Variants in TRRAP observed in about 807,000 individuals in gnomAD.
TRRAP encodes the protein transformation/transcription domain associated protein, also known as transformation/transcription domain-associated protein.
A neutral mutation model predicts 438.8 loss-of-function variants in TRRAP; 41 were observed. The observed-to-expected ratio is 0.09, with a 90% confidence interval of 0.07 to 0.12. TRRAP has a LOEUF of 0.12. TRRAP is among the 10% of genes least tolerant of loss of function. The probability of loss-of-function intolerance (pLI) is 1.00; values close to 1 mark genes in which losing one functional copy is unlikely to be tolerated. For synonymous variants in TRRAP, 1,994 were observed against 1,962.9 expected (o/e 1.02, Z -0.42); for missense variants, 3,122 against 5,055.1 (o/e 0.62, Z 11.60).
chr7:98,925,234 C>T lies in TRRAP; in HGVS notation c.2946C>T (p.His982=), dbSNP rs782750766. Residue 982 remains histidine, a synonymous_variant, in exon 22 of 73, where the codon CAC becomes CAT. Coordinates refer to ENST00000456197, the MANE Select transcript of TRRAP (RefSeq NM_001375524.1). ...TGATGAGCCTGGAGGACAACAAGCA[C>T]GCACTCTACCAGCTCCTGGCACACC... ...VAMMSLEDNK[H]ALYQLLAHPN... is the part of the protein sequence containing the mutation. 7.4e-5 allele frequency: 120 copies of T among 1,614,002 alleles called. No homozygotes were observed. The highest frequency in any genetic ancestry group is 8.7e-5 in the Non-Finnish European group (103 of 1,180,008).
chr7:98,998,831 T>C, intron 67 of TRRAP: 1 of 283,704 alleles, frequency 3.5e-6, no homozygotes, highest in Non-Finnish European at 6.9e-6. Context: ...AGAAATCTTG[T>C]CTTGGCCTCA....
At chr7:98,981,394 T>C (rs1792907385) in intron 58 of TRRAP, among the ~76,000 whole-genome samples, 1 of 152,174 alleles carries the variant, frequency 6.6e-6, no homozygotes, top group Non-Finnish European at 1.5e-5. Flanking sequence ...AGAGCAAGAT[T>C]CCGTCTCAAA....
At position 98,984,203 on chromosome 7, in the gene TRRAP, C is replaced by T. The variant is rs771144775; in HGVS notation, c.9133C>T (p.Arg3045Trp). The change falls in exon 61 of 73, where the codon CGG (arginine) becomes TGG (tryptophan). Residue 3045 changes from arginine (R) to tryptophan (W), a missense_variant. Around this residue, in one of 24 missense-constraint regions of TRRAP, gnomAD observed 129 missense variants for 279.2 expected, o/e 0.46. Coordinates refer to ENST00000456197, the MANE Select transcript of TRRAP (RefSeq NM_001375524.1). Reference protein sequence around the residue: ...SAIIQYGKIARKQGLVNVALD... With the variant: ...SAIIQYGKIAWKQGLVNVALD... Reference sequence around the variant, plus strand: ...GATCATCCAGTATGGAAAAATCGCCCGGAAACAAGGACTGGTCAATGTAGC... The same window carrying T: ...GATCATCCAGTATGGAAAAATCGCCTGGAAACAAGGACTGGTCAATGTAGC... 4.3e-6 allele frequency: 7 copies of T among 1,613,974 alleles called. No individual in the cohort carries two copies. The highest frequency in any genetic ancestry group is 5.9e-6 in the Non-Finnish European group (7 of 1,179,986).
intron 30 of TRRAP, among the ~76,000 whole-genome samples, chr7:98,941,309 G>C (rs555207084): frequency 6.6e-5 from 10 of 152,218 alleles, no homozygotes; most frequent in African/African-American, 2.4e-4. Context: ...CTCAGCAGCT[G>C]AGATTACAGG....
Position 98,910,226 on chromosome 7 carries a change from TCCA to T in TRRAP, c.1524_1526del (p.Pro515del). 2 of 271,754 alleles carry T rather than the reference TCCA, an allele frequency of 7.4e-6. No individual in the cohort carries two copies. Among genetic ancestry groups the T allele is most frequent in the Non-Finnish European group, 5.1e-6 (1 of 195,590 alleles). The allele number at this position is 271,754 out of a possible 1,614,324, so 16.8% of individuals were successfully genotyped here. On this transcript the variant is annotated inframe_deletion, in exon 15 of 73. Coordinates refer to ENST00000456197, the MANE Select transcript of TRRAP (RefSeq NM_001375524.1). ...CCCCAGCCCCTGTCCCTGCCCCACC[TCCA>T]CCCCCGCCCCCACCCCCACCTGCCA...
chr7:98,999,091 T>C, intron 67 of TRRAP: 2 of 1,310,008 alleles, frequency 1.5e-6, no homozygotes, highest in Non-Finnish European at 1.1e-6. Flanking sequence ...TTCCGCTGGC[T>C]CTTTGACCTG....
chr7:98,915,769 C>T lies in TRRAP; in HGVS notation c.2246C>T (p.Thr749Ile). 6.2e-7 allele frequency: 1 copy of T among 1,614,196 alleles called. No homozygotes were observed. The highest frequency in any genetic ancestry group is 1.1e-5 in the South Asian group (1 of 91,084). Residue 749 changes from threonine to isoleucine, a missense_variant, in exon 19 of 73, where the codon ACT (threonine) becomes ATT (isoleucine). Physicochemically the swap from Thr to Ile is moderately conservative, Grantham distance 89. Around this residue, in one of 24 missense-constraint regions of TRRAP, gnomAD observed 149 missense variants for 302.8 expected, o/e 0.49. Coordinates refer to ENST00000456197, the MANE Select transcript of TRRAP (RefSeq NM_001375524.1). ...AACAGCTCTATGGAGCTCGCGCAGA[C>T]TGCCAAGGAACCCTACAACTACTTC... is the stretch of plus-strand genomic sequence containing the variant. ...IVNSSMELAQ[T>I]AKEPYNYFLL... is the part of the protein sequence containing the mutation.
chr7:98,952,231 A>T (rs895672492), intron 39 of TRRAP, among the ~76,000 whole-genome samples: 3 of 152,260 alleles, frequency 2.0e-5, no homozygotes, highest in Non-Finnish European at 4.4e-5. Flanking sequence ...TATTCCTCAA[A>T]GAAGGCACAT....
In TRRAP at chr7:98,927,156, T is replaced by C; in HGVS notation, c.2976-11T>C. 1 of 1,614,246 alleles carries C rather than the reference T, an allele frequency of 6.2e-7. No individual in the cohort carries two copies. Among genetic ancestry groups the C allele is most frequent in the Non-Finnish European group, 8.5e-7 (1 of 1,180,038 alleles). ...GGGTGTCGTGACACCAGATCTGATTTTGCCTTTCAGCTTTACAGAAAAGAC... is the reference window on the plus strand; with the variant it reads ...GGGTGTCGTGACACCAGATCTGATTCTGCCTTTCAGCTTTACAGAAAAGAC... On this transcript the variant is annotated splice_polypyrimidine_tract_variant and intron_variant, in intron 22 of 72. Coordinates refer to ENST00000456197, the MANE Select transcript of TRRAP (RefSeq NM_001375524.1).
intron 11 of TRRAP, among the ~76,000 whole-genome samples, chr7:98,901,613 A>G (rs139630190): frequency 0.024 from 3,716 of 152,284 alleles, 79 homozygotes; most frequent in Middle Eastern, 0.041. Context: ...CAGTGGCACA[A>G]TCTCAACTCA....
At chr7:98,990,678 T>G (rs748249289) in intron 64 of TRRAP, 59 bp downstream of exon 64, 10 of 1,531,936 alleles carry the variant, frequency 6.5e-6, no homozygotes, top group Non-Finnish European at 8.0e-6. Flanking sequence ...TCATTTTGCG[T>G]TCTTTTTTCT....
At chr7:98,930,253 C>T (rs185248377) in intron 24 of TRRAP, 47 bp downstream of exon 24, 2 of 1,595,686 alleles carry the variant, frequency 1.3e-6, no homozygotes, top group Non-Finnish European at 8.6e-7. Flanking sequence ...GGTGTCTGTA[C>T]CTGAGAGTGG....
At chr7:98,925,778 A>G (rs1790023005) in intron 22 of TRRAP, among the ~76,000 whole-genome samples, 1 of 152,204 alleles carries the variant, frequency 6.6e-6, no homozygotes, top group Non-Finnish European at 1.5e-5. Flanking sequence ...GATTTTTCCT[A>G]TATATTTTCA....
intron 47 of TRRAP, among the ~76,000 whole-genome samples, chr7:98,963,381 A>G (rs766247513): frequency 1.3e-5 from 2 of 152,138 alleles, no homozygotes; most frequent in African/African-American, 2.4e-5. Context: ...GCCAGCTTCC[A>G]TCACAGGGCA....
chr7:99,001,544 A>G (rs145933804), intron 67 of TRRAP, among the ~76,000 whole-genome samples: 1 of 152,214 alleles, frequency 6.6e-6, no homozygotes, highest in Admixed American at 6.5e-5. Context: ...GTAAAAAAAA[A>G]TAAAAAATCA....
chr7:98,943,407 G>A (rs1373778023), intron 31 of TRRAP, among the ~76,000 whole-genome samples: 1 of 152,140 alleles, frequency 6.6e-6, no homozygotes. Context: ...TTCCATCACG[G>A]GGTGGTCGGT....
intron 30 of TRRAP, among the ~76,000 whole-genome samples, chr7:98,938,521 CAT>C (rs1203878019): frequency 4.0e-5 from 6 of 149,580 alleles, no homozygotes; most frequent in African/African-American, 1.2e-4. Context: ...TGTAAGAGGA[CAT>C]ATGTGTATAT....
Position 98,910,310 on chromosome 7 carries a change from G to A in TRRAP, c.1605G>A (p.Lys535=). ...PPFEKQGEKD[K]EDKQTFQVTD... is the part of the protein sequence containing the mutation. ...TCGAGAAGCAAGGAGAAAAGGACAA[G>A]GAAGACAAGCAGACATTCCAAGTCA... Residue 535 remains lysine (K), a synonymous_variant, in exon 15 of 73, where the codon AAG becomes AAA. Coordinates refer to ENST00000456197, the MANE Select transcript of TRRAP (RefSeq NM_001375524.1). 1 of 1,608,422 alleles carries A rather than the reference G, an allele frequency of 6.2e-7. No homozygotes were observed. Among genetic ancestry groups the A allele is most frequent in the Non-Finnish European group, 8.5e-7 (1 of 1,179,756 alleles).
At chr7:98,918,426 C>T (rs540674665) in intron 20 of TRRAP, among the ~76,000 whole-genome samples, 103 of 151,840 alleles carry the variant, frequency 6.8e-4, no homozygotes, top group Non-Finnish European at 1.4e-3. Context: ...GATGGGGTTT[C>T]ACCATATTGG....
Sources: gnomAD v4.1 joint callset for allele counts (sites outside exome capture counted in the v4.1 genomes callset) on GRCh38, gnomAD v4.1.1 for gene constraint, gnomAD v4.1.1 regional missense constraint, MANE v1.5 for transcripts, NCBI Gene and HGNC (gene_info 2026-07-23, HGNC 2026-07-21) for gene names.